SLC49A3: variants seen among roughly 807,000 people sequenced by gnomAD.
The protein encoded by SLC49A3 is solute carrier family 49 member A3.
SLC49A3 carries 50 observed loss-of-function variants against 43.8 expected under a neutral mutation model. That is an observed-to-expected ratio of 1.14 (90% CI 0.91 to 1.45). The LOEUF (loss-of-function observed/expected upper bound fraction) is 1.45, where lower values mean the gene tolerates loss of function less well. Among genes scored for constraint, SLC49A3 ranks in the 40% most tolerant of loss-of-function variants. SLC49A3 has a pLI of 0.00. For synonymous variants in SLC49A3, 413 were observed against 352.0 expected, an observed-to-expected ratio of 1.17 and a Z score of -1.94; for missense variants, 906 against 774.1, an observed-to-expected ratio of 1.17 and a Z score of -2.02.
rs1739712547 is a variant in SLC49A3, at chr4:681,838, G to C, written c.*120C>G. 4 of 1,291,438 alleles carry C rather than the reference G, an allele frequency of 3.1e-6. No individual in the cohort carries two copies. Among genetic ancestry groups the C allele is most frequent in the Non-Finnish European group, 3.0e-6 (3 of 1,012,124 alleles). 80.0% of individuals were successfully genotyped at this position (1,291,438 alleles called of 1,614,324 possible). A position where few individuals can be genotyped will look rare whatever the true frequency, so the allele number is the denominator to read the frequency against. ...CCACACCCGGGGCCGCTGCAGGTGC[G>C]CGCTTGTAATTCGCTCCCGGAGCCC... On this transcript the variant is annotated 3_prime_UTR_variant, in exon 10 of 10. Transcript: ENST00000322224.
intron 5 of SLC49A3, 32 bp downstream of exon 5, chr4:684,687 C>T (rs761275176): frequency 3.1e-6 from 5 of 1,605,442 alleles, no homozygotes; most frequent in Middle Eastern, 1.7e-4. Flanking sequence ...ACCCCCAAAT[C>T]CACCCTACCC....
chr4:684,733 C>G lies in SLC49A3; in HGVS notation c.709G>C (p.Asp237His). ...ACGGCACTGACCAGCTTGAGCCCATCCAGGAACTTCTCTGAGGTGGAGCTG... is the reference window on the plus strand; with the variant it reads ...ACGGCACTGACCAGCTTGAGCCCATGCAGGAACTTCTCTGAGGTGGAGCTG... ...AASSTSEKFL[D>H]GLKLLMWNKA... Residue 237 changes from aspartate (D) to histidine (H), a missense_variant, in exon 5 of 10, where the codon GAT (aspartate) becomes CAT (histidine). Asp to His is a moderately conservative substitution (Grantham distance 81). Coordinates refer to ENST00000322224, the MANE Select transcript of SLC49A3 (RefSeq NM_032219.4). 6.2e-7 allele frequency: 1 copy of G among 1,611,376 alleles called. No homozygotes were observed. Among genetic ancestry groups the G allele is most frequent in the Non-Finnish European group, 8.5e-7 (1 of 1,179,460 alleles).
At chr4:679,338 C>T (rs774727336), downstream of SLC49A3, among the ~76,000 whole-genome samples, 106 of 113,534 alleles carry the variant, frequency 9.3e-4, no homozygotes, top group Non-Finnish European at 1.5e-3. Context: ...GGCAGGCAGG[C>T]GGCTTGCCCC....
At position 686,185 on chromosome 4, in the gene SLC49A3, G is replaced by C. The variant is rs1482500167; in HGVS notation, c.412C>G (p.Leu138Val). 1.9e-6 allele frequency: 3 copies of C among 1,613,396 alleles called. No individual in the cohort carries two copies. The highest frequency in any genetic ancestry group is 1.3e-5 in the African/African-American group (1 of 74,948). Residue 138 changes from leucine (L) to valine (V), a missense_variant, in exon 3 of 10, where the codon CTT (leucine) becomes GTT (valine). Leu to Val is a conservative substitution (Grantham distance 32). Coordinates refer to ENST00000322224, the MANE Select transcript of SLC49A3 (RefSeq NM_032219.4). ...GAGAAGATGACCAGGCTCTGGGCAA[G>C]GGCACAGAGGCTCTGGCCACCCATG... Reference protein sequence around the residue: ...FLMGGQSLCALAQSLVIFSPA... With the variant: ...FLMGGQSLCAVAQSLVIFSPA...
chr4:687,636 G>A (rs559105200), intron 1 of SLC49A3, among the ~76,000 whole-genome samples: 2 of 152,360 alleles, frequency 1.3e-5, no homozygotes, highest in East Asian at 3.9e-4. Context: ...TCACTGAGAA[G>A]AGATGCGTCT....
At position 689,133 on chromosome 4, in the gene SLC49A3, G is replaced by T; in HGVS notation, c.-6C>A. Reference sequence around the variant, plus strand: ...GCCTCCGTCGGCCCCGCCATCGTCGGCGGCCTCCACGGGTCTCCGCCGGTC... The same window carrying T: ...GCCTCCGTCGGCCCCGCCATCGTCGTCGGCCTCCACGGGTCTCCGCCGGTC... On this transcript the variant is annotated 5_prime_UTR_variant, in exon 1 of 10. Transcript: ENST00000322224. The T allele has an allele frequency of 1.5e-6, 2 of 1,375,108 alleles. No homozygotes were observed. Among genetic ancestry groups the T allele is most frequent in the Non-Finnish European group, 1.9e-6 (2 of 1,071,742 alleles). The allele number at this position is 1,375,108 out of a possible 1,614,324, so 85.2% of individuals were successfully genotyped here. A position where few individuals can be genotyped will look rare whatever the true frequency, so the allele number is the denominator to read the frequency against.
At chr4:686,039 G>A (rs976860966) in intron 3 of SLC49A3, 50 bp downstream of exon 3, 5 of 1,610,536 alleles carry the variant, frequency 3.1e-6, no homozygotes, top group African/African-American at 2.7e-5. Context: ...GAGCGTCTGT[G>A]TGGACCCTGA....
chr4:682,806 C>A lies in SLC49A3; in HGVS notation c.1236G>T (p.Gln412His). 1 of 1,598,748 alleles carries A rather than the reference C, an allele frequency of 6.3e-7. No homozygotes were observed. Among genetic ancestry groups the A allele is most frequent in the Non-Finnish European group, 8.5e-7 (1 of 1,170,928 alleles). Residue 412 changes from glutamine (Q) to histidine (H), a missense_variant, in exon 9 of 10, where the codon CAG (glutamine) becomes CAT (histidine). Physicochemically the swap from Gln to His is conservative, Grantham distance 24 (BLOSUM62 0). Coordinates refer to ENST00000322224, the MANE Select transcript of SLC49A3 (RefSeq NM_032219.4). ...RSEPSLSTCQ[Q>H]GEDPLDWTVS... ...CTGTCCAGTCAAGTGGATCCTCCCCCTGCTGGCAGGTGGACAAGGACGGCT... is the reference window on the plus strand; with the variant it reads ...CTGTCCAGTCAAGTGGATCCTCCCCATGCTGGCAGGTGGACAAGGACGGCT...
chr4:691,282 C>CAA (rs71166826), upstream of SLC49A3, among the ~76,000 whole-genome samples: 1,763 of 115,514 alleles, frequency 0.015, 42 homozygotes, highest in African/African-American at 0.034. Context: ...GACTCTGTCT[C>CAA]AAAAAAAAAA....
At chr4:680,048 C>T (rs766961123), downstream of SLC49A3, 1 of 1,526,158 alleles carries the variant, frequency 6.6e-7, no homozygotes, top group Non-Finnish European at 9.0e-7. Flanking sequence ...GCCTGGCCCT[C>T]CTAGCTAATT....
At chr4:677,828 G>A (rs1481673895), downstream of SLC49A3, 1 of 813,514 alleles carries the variant, frequency 1.2e-6, no homozygotes, top group Non-Finnish European at 2.1e-6. Flanking sequence ...CTTGCGGGGT[G>A]AGGCAGGGCA....
In SLC49A3 at chr4:682,854, C is replaced by G. The variant is rs535181168; in HGVS notation, c.1188G>C (p.Thr396=). Residue 396 remains threonine, a synonymous_variant, in exon 9 of 10, where the codon ACG becomes ACC. Coordinates refer to ENST00000322224, the MANE Select transcript of SLC49A3 (RefSeq NM_032219.4). ...GCTCCGAGCGTCGCACAGTCAGTGC[C>G]GTCATTGCCAGCATGATGAGTATTC... is the stretch of plus-strand genomic sequence containing the variant. ...AEGILIMLAM[T]ALTVRRSEPS... 2 of 1,603,974 alleles carry G rather than the reference C, an allele frequency of 1.2e-6. No individual in the cohort carries two copies. Among genetic ancestry groups the G allele is most frequent in the Non-Finnish European group, 1.7e-6 (2 of 1,173,914 alleles).
At chr4:680,291 G>A (rs564418296), downstream of SLC49A3, among the ~76,000 whole-genome samples, 15 of 152,234 alleles carry the variant, frequency 9.9e-5, no homozygotes, top group East Asian at 2.1e-3. Context: ...GGCTGACCCT[G>A]GGCACCCCAA....
At chr4:677,842 G>T (rs946150504), downstream of SLC49A3, 2 of 943,752 alleles carry the variant, frequency 2.1e-6, no homozygotes, top group Non-Finnish European at 3.4e-6. Context: ...CAGGGCAAGG[G>T]TGTGAGTCAC....
Position 683,073 on chromosome 4 carries a change from G to C in SLC49A3, c.1151+137C>G, listed in dbSNP as rs893213720. 3.2e-6 allele frequency: 4 copies of C among 1,258,874 alleles called. No homozygotes were observed. The African/African-American group carries it at 4.5e-5, about 14-fold the overall frequency. 78.0% of individuals were successfully genotyped at this position (1,258,874 alleles called of 1,614,324 possible). On this transcript the variant is annotated intron_variant, in intron 8 of 9. Transcript: ENST00000322224. ...TGCACACAGCAGGTGCTCAGAACCT[G>C]CTCGGCCCTTGCCAGAGCAGGCAGG...
At position 689,084 on chromosome 4, in the gene SLC49A3, C is replaced by T. The variant is rs1375034642; in HGVS notation, c.44G>A (p.Arg15Gln). The change falls in exon 1 of 10, where the codon CGG becomes CAG. Residue 15 changes from arginine (R) to glutamine (Q), a missense_variant. By Grantham distance (43) the Arg-to-Gln change is conservative. Coordinates refer to ENST00000322224, the MANE Select transcript of SLC49A3 (RefSeq NM_032219.4). ...TEAETGLAEP[R>Q]ALCAQRGHRT... is the part of the protein sequence containing the mutation. ...GTGGCCCCGCTGCGCGCACAGGGCC[C>T]GGGGCTCGGCCAACCCCGTCTCGGC... The T allele has an allele frequency of 5.2e-6, 8 of 1,538,048 alleles. No individual in the cohort carries two copies. The highest frequency in any genetic ancestry group is 2.7e-5 in the East Asian group (1 of 37,032).
rs1487720405 is a variant in SLC49A3, at chr4:684,722, C to T, written c.720G>A (p.Lys240=). The change falls in exon 5 of 10, where the codon AAG becomes AAA. Residue 240 remains lysine (K), a synonymous_variant. Transcript: ENST00000322224. ...STSEKFLDGL[K]LLMWNKAYVI... The stretch of plus-strand genomic sequence containing the variant: ...CCGGGGATCCCACGGCACTGACCAG[C>T]TTGAGCCCATCCAGGAACTTCTCTG... 2.5e-6 allele frequency: 4 copies of T among 1,611,064 alleles called. No individual in the cohort carries two copies. Among genetic ancestry groups the T allele is most frequent in the Admixed American group, 3.4e-5 (2 of 59,480 alleles).
At position 689,128 on chromosome 4, in the gene SLC49A3, C is replaced by T. The variant is rs1191757842; in HGVS notation, c.-1G>A. The T allele has an allele frequency of 9.4e-6, 13 of 1,378,812 alleles. No individual in the cohort carries two copies. The African/African-American group carries it at 1.5e-4, about 16-fold the overall frequency. 85.4% of individuals were successfully genotyped at this position (1,378,812 alleles called of 1,614,324 possible). On this transcript the variant is annotated 5_prime_UTR_variant, in exon 1 of 10. Transcript: ENST00000322224. ...TCTCGGCCTCCGTCGGCCCCGCCAT[C>T]GTCGGCGGCCTCCACGGGTCTCCGC...
Position 683,667 on chromosome 4 carries a change from G to A in SLC49A3, c.935C>T (p.Thr312Ile), listed in dbSNP as rs1391789549. ...GCACAGGCCAATCTTGGTGGCCTCA[G>A]TGAAGTGCTTGGTCCGGTCCACATA... The part of the protein sequence containing the change: ...GPYVDRTKHF[T>I]EATKIGLCLF... Residue 312 changes from threonine (T) to isoleucine (I), a missense_variant, in exon 7 of 10, where the codon ACT becomes ATT. Coordinates refer to ENST00000322224, the MANE Select transcript of SLC49A3 (RefSeq NM_032219.4). The A allele has an allele frequency of 6.2e-7, 1 of 1,611,622 alleles. No homozygotes were observed. Among genetic ancestry groups the A allele is most frequent in the Non-Finnish European group, 8.5e-7 (1 of 1,179,372 alleles).
Sources: allele counts gnomAD v4.1 joint callset (sites outside exome capture counted in the v4.1 genomes callset), GRCh38; gene constraint gnomAD v4.1.1; transcripts MANE v1.5; gene names NCBI Gene and HGNC (gene_info 2026-07-23, HGNC 2026-07-21).